ACYP2: variants seen among roughly 807,000 people sequenced by gnomAD.
The protein encoded by ACYP2 is acylphosphatase 2, also known as acylphosphatase-2.
In ACYP2, 12 loss-of-function variants were observed where a neutral mutation model predicts 11.2. That is an observed-to-expected ratio of 1.08 (90% CI 0.69 to 1.74). The LOEUF is 1.74. Among genes scored for constraint, ACYP2 ranks in the 40% most tolerant of loss-of-function variants. The pLI is 0.00. For missense variants in ACYP2, 134 were observed against 101.9 expected (o/e 1.31, Z -1.35); for synonymous variants, 43 against 32.2 (o/e 1.33, Z -1.13).
chr2:54,007,904 G>T (rs1673164491), intron 2 of ACYP2, among the ~76,000 whole-genome samples: 1 of 152,074 alleles, frequency 6.6e-6, no homozygotes, highest in Admixed American at 6.6e-5. Flanking sequence ...AAAAAAAAAG[G>T]TGGTTTAGTT....
chr2:54,032,778 C>G (rs1264739337), intron 2 of ACYP2, among the ~76,000 whole-genome samples: 2 of 152,054 alleles, frequency 1.3e-5, no homozygotes, highest in African/African-American at 2.4e-5. Flanking sequence ...TGTGATGGAC[C>G]TCTTCAAGGA....
At chr2:54,182,863 C>T (rs1483011801) in intron 6 of ACYP2, among the ~76,000 whole-genome samples, 1 of 151,934 alleles carries the variant, frequency 6.6e-6, no homozygotes. Context: ...TTTCACAAAA[C>T]TTACCAGGGA....
chr2:54,174,560 T>A (rs1268288965), intron 6 of ACYP2, among the ~76,000 whole-genome samples: 1 of 152,202 alleles, frequency 6.6e-6, no homozygotes, highest in Non-Finnish European at 1.5e-5. Flanking sequence ...TCCGACCCTA[T>A]GTTGAATAGG....
chr2:54,149,534 TTC>T (rs1455870475), intron 6 of ACYP2, among the ~76,000 whole-genome samples: 2 of 152,224 alleles, frequency 1.3e-5, no homozygotes, highest in African/African-American at 2.4e-5. Context: ...TAAGAATATT[TTC>T]TGTTTCTTAG....
intron 6 of ACYP2, among the ~76,000 whole-genome samples, chr2:54,289,273 C>T (rs1382694154): frequency 1.3e-5 from 2 of 151,842 alleles, no homozygotes; most frequent in African/African-American, 4.9e-5. Flanking sequence ...ATATTGATGA[C>T]GTCCTCTTAT....
At chr2:54,033,596 G>A (rs1674711563) in intron 2 of ACYP2, among the ~76,000 whole-genome samples, 1 of 152,192 alleles carries the variant, frequency 6.6e-6, no homozygotes, top group Non-Finnish European at 1.5e-5. Flanking sequence ...TTTGCCTAAT[G>A]TGTGAGAAAC....
chr2:54,253,838 G>C (rs1687351231), intron 6 of ACYP2: 1 of 152,362 alleles, frequency 6.6e-6, no homozygotes, highest in African/African-American at 2.4e-5. Context: ...TGGGCAATAA[G>C]AGGTCTGGCA....
chr2:54,173,778 C>G (rs1201664728), intron 6 of ACYP2, among the ~76,000 whole-genome samples: 1 of 152,164 alleles, frequency 6.6e-6, no homozygotes, highest in Non-Finnish European at 1.5e-5. Context: ...TTTTCCAGCA[C>G]CATTTATTAA....
rs116800538 is a variant in ACYP2, at chr2:54,291,301, A to G, written c.405-13387A>G. ...GCCTTCTTCTGCACCTGACCCTTCA[A>G]TGTTGGTTGGGATGCTGTTCTAGTG... On this transcript the variant is annotated intron_variant, in intron 6 of 6. Coordinates refer to ENST00000607452, the MANE Select transcript of ACYP2 (RefSeq NM_001320586.2). 4.3e-3 allele frequency among the ~76,000 whole-genome samples: 649 copies of G among 152,106 alleles called. 5 individuals carry two copies. The highest frequency in any genetic ancestry group is 0.014 in the African/African-American group (599 of 41,482).
intron 2 of ACYP2, among the ~76,000 whole-genome samples, chr2:53,989,310 G>T: frequency 8.4e-6 from 1 of 119,190 alleles, no homozygotes; most frequent in African/African-American, 3.2e-5. Context: ...TCACAGACAA[G>T]GATTCCCAGG....
chr2:54,169,925 A>G (rs769008218), intron 6 of ACYP2, among the ~76,000 whole-genome samples: 38 of 152,128 alleles, frequency 2.5e-4, no homozygotes, highest in Non-Finnish European at 4.1e-4. Flanking sequence ...TTAAATCATT[A>G]ACTTTAGATA....
chr2:54,156,286 G>T (rs970215660), intron 6 of ACYP2, among the ~76,000 whole-genome samples: 1 of 152,060 alleles, frequency 6.6e-6, no homozygotes, highest in African/African-American at 2.4e-5. Flanking sequence ...TAAGTTCCAG[G>T]ATACATGTGC....
At chr2:54,116,619 C>T (rs1679816389) in intron 4 of ACYP2, among the ~76,000 whole-genome samples, 1 of 151,710 alleles carries the variant, frequency 6.6e-6, no homozygotes, top group South Asian at 2.1e-4. Context: ...CAATAAGGCT[C>T]TCTTAGAAAC....
intron 6 of ACYP2, among the ~76,000 whole-genome samples, chr2:54,198,786 C>T (rs139534498): frequency 1.1e-3 from 167 of 152,228 alleles, no homozygotes; most frequent in Non-Finnish European, 1.7e-3. Context: ...CTGATATTAC[C>T]GAACTTACAT....
intron 2 of ACYP2, chr2:54,029,994 T>C (rs1320902431): frequency 2.1e-5 from 5 of 243,540 alleles, no homozygotes; most frequent in African/African-American, 1.1e-4. Context: ...CCGAGATAAT[T>C]CCACCAGACC....
intron 6 of ACYP2, among the ~76,000 whole-genome samples, chr2:54,193,702 G>T (rs843671): frequency 0.54 from 82,086 of 151,908 alleles, 22,488 homozygotes; most frequent in East Asian, 0.67. Flanking sequence ...TAATATAGGT[G>T]GGAATGTAGC....
chr2:54,030,677 C>A (rs1397010025), intron 2 of ACYP2: 2 of 191,828 alleles, frequency 1.0e-5, no homozygotes, highest in South Asian at 2.1e-4. Context: ...CCTTTGTGTT[C>A]GTTATTTTGG....
chr2:54,285,915 G>T (rs960151651), intron 6 of ACYP2, among the ~76,000 whole-genome samples: 1 of 152,150 alleles, frequency 6.6e-6, no homozygotes, highest in African/African-American at 2.4e-5. Flanking sequence ...AGTTGGAAAG[G>T]TCTCTGAAGG....
intron 2 of ACYP2, among the ~76,000 whole-genome samples, chr2:54,041,938 G>C (rs1675252774): frequency 6.6e-6 from 1 of 151,906 alleles, no homozygotes; most frequent in African/African-American, 2.4e-5. Context: ...CCACAGGCAT[G>C]AGACACCTCA....
Sources: gnomAD v4.1 joint callset for allele counts (sites outside exome capture counted in the v4.1 genomes callset) on GRCh38, gnomAD v4.1.1 for gene constraint, MANE v1.5 for transcripts, NCBI Gene and HGNC (gene_info 2026-07-23, HGNC 2026-07-21) for gene names.